Variants in TGM3 observed in about 807,000 individuals in gnomAD.
TGM3 encodes the protein protein-glutamine gamma-glutamyltransferase E.
Under a neutral mutation model 73.8 loss-of-function variants are expected in TGM3, and 52 were observed. That is an observed-to-expected ratio of 0.70 (90% CI 0.56 to 0.89). TGM3 has a LOEUF of 0.89. TGM3 is among the 40% of genes least tolerant of loss of function. The pLI, the probability that TGM3 is intolerant of heterozygous loss-of-function variation, is 0.00. For synonymous variants in TGM3, 372 were observed against 354.9 expected (o/e 1.05, Z -0.54); for missense variants, 928 against 909.9 (o/e 1.02, Z -0.26).
At chr20:2,340,033 C>CGGGGGGGGGAGGGGGG in intron 12 of TGM3, 46 bp downstream of exon 12, 2 of 196,584 alleles carry the variant, frequency 1.0e-5, no homozygotes, top group South Asian at 4.4e-5. Flanking sequence ...CGGGAGGGGG[C>CGGGGGGGGGAGGGGGG]GGGGGGGCCC....
intron 1 of TGM3, among the ~76,000 whole-genome samples, chr20:2,306,174 T>A (rs559852744): frequency 6.6e-6 from 1 of 152,306 alleles, no homozygotes; most frequent in African/African-American, 2.4e-5. Context: ...TGTGGGCCTG[T>A]TGGGAGAGGC....
Position 2,332,496 on chromosome 20 carries a change from A to T in TGM3, c.1642+186A>T, listed in dbSNP as rs1264350217. ...CTCTATGAACAGAGTGATGCCAACC[A>T]AATGTCAGGGTGGTGCCAACCAAAA... On this transcript the variant is annotated intron_variant, in intron 10 of 12. Coordinates refer to ENST00000381458, the MANE Select transcript of TGM3 (RefSeq NM_003245.4). This position sits in a 1 kb window ranked among gnomAD's most constrained non-coding sequence, Gnocchi z 4.4. Among the ~76,000 whole-genome samples the T allele has an allele frequency of 6.6e-6, 1 of 152,160 alleles. No homozygotes were observed. Among genetic ancestry groups the T allele is most frequent in the Non-Finnish European group, 1.5e-5 (1 of 68,024 alleles).
chr20:2,302,570 G>A lies in TGM3; in HGVS notation c.7+6500G>A, dbSNP rs6113629. Among the ~76,000 whole-genome samples, 1,342 of 152,202 alleles carry A rather than the reference G, an allele frequency of 8.8e-3. 16 individuals carry two copies. The highest frequency in any genetic ancestry group is 0.029 in the African/African-American group (1,218 of 41,516). On this transcript the variant is annotated intron_variant, in intron 1 of 12. Coordinates refer to ENST00000381458, the MANE Select transcript of TGM3 (RefSeq NM_003245.4). ...TCTGTCCAGTCTCCTCTCCACCATC[G>A]CTAGGGTACGTATGGCCCTGCATGG...
intron 7 of TGM3, among the ~76,000 whole-genome samples, chr20:2,323,132 C>T (rs1003518946): frequency 6.6e-6 from 1 of 151,924 alleles, no homozygotes; most frequent in African/African-American, 2.4e-5. Flanking sequence ...TCTTTAGTGG[C>T]AATTTGTGAG....
intron 1 of TGM3, among the ~76,000 whole-genome samples, chr20:2,306,370 T>G (rs1312787353): frequency 1.3e-5 from 2 of 152,196 alleles, no homozygotes; most frequent in East Asian, 3.8e-4. Context: ...AAGGCTCAAG[T>G]GCTCTGAAAC....
In TGM3 at chr20:2,340,760, G is replaced by C. The variant is rs982932897; in HGVS notation, c.*179G>C. On this transcript the variant is annotated 3_prime_UTR_variant, in exon 13 of 13. Coordinates refer to ENST00000381458, the MANE Select transcript of TGM3 (RefSeq NM_003245.4). ...CTCTCCTCTCCCCCAGGTTGGGGCTGGGTCCACCCTGTCCTATGACTTGAT... is the reference window on the plus strand; with the variant it reads ...CTCTCCTCTCCCCCAGGTTGGGGCTCGGTCCACCCTGTCCTATGACTTGAT... The C allele has an allele frequency of 6.4e-5, 52 of 812,586 alleles. No individual in the cohort carries two copies. Among genetic ancestry groups the C allele is most frequent in the Non-Finnish European group, 1.0e-4 (49 of 488,666 alleles). The allele number at this position is 812,586 out of a possible 1,614,324, so 50.3% of individuals were successfully genotyped here.
intron 7 of TGM3, 75 bp downstream of exon 7, chr20:2,317,560 A>G: frequency 6.3e-7 from 1 of 1,591,278 alleles, no homozygotes; most frequent in South Asian, 1.1e-5. Context: ...TCCTTCTGGG[A>G]CCCAGGTCCA....
intron 11 of TGM3, among the ~76,000 whole-genome samples, chr20:2,338,786 C>G (rs2084364596): frequency 6.6e-6 from 1 of 152,198 alleles, no homozygotes; most frequent in South Asian, 2.1e-4. Context: ...CATAAAATGT[C>G]CATTTCTATG....
At chr20:2,318,839 G>T (rs1045219748) in intron 7 of TGM3, among the ~76,000 whole-genome samples, 1 of 152,068 alleles carries the variant, frequency 6.6e-6, no homozygotes, top group Non-Finnish European at 1.5e-5. Context: ...AAAATGAAAC[G>T]AAAATAGATA....
chr20:2,308,592 C>T (rs1166047664), intron 1 of TGM3, among the ~76,000 whole-genome samples: 1 of 152,206 alleles, frequency 6.6e-6, no homozygotes, highest in Non-Finnish European at 1.5e-5. Flanking sequence ...TGACCTGCTC[C>T]TATAAATAGC....
rs563151641 is a variant in TGM3 at position 2,332,562 on chromosome 20, A to G, written c.1642+252A>G. 2.0e-5 allele frequency among the ~76,000 whole-genome samples: 3 copies of G among 152,340 alleles called. No individual in the cohort carries two copies. The highest frequency in any genetic ancestry group is 3.9e-4 in the East Asian group (2 of 5,180). On this transcript the variant is annotated intron_variant, in intron 10 of 12. Transcript: ENST00000381458. The surrounding 1 kb of genome is among the most constrained non-coding windows in gnomAD (Gnocchi z 4.4). ...AGGGAGGAAGGAGGGAGGCTTTGGC[A>G]GTTCATAGCTATGGCACAATATCCC...
Position 2,297,875 on chromosome 20 carries a change from T to C in TGM3, c.7+1805T>C, listed in dbSNP as rs190181430. On this transcript the variant is annotated intron_variant, in intron 1 of 12. Coordinates refer to ENST00000381458, the MANE Select transcript of TGM3 (RefSeq NM_003245.4). ...GTTCTGTCCTCGGTAGCTTTTAGTC[T>C]GATATTTTTTGGTACCACCGGTTTT... 4.9e-3 allele frequency among the ~76,000 whole-genome samples: 752 copies of C among 152,324 alleles called. 1 individual carries two copies. The highest frequency in any genetic ancestry group is 8.6e-3 in the Non-Finnish European group (586 of 68,036).
In TGM3 at chr20:2,316,694, A is replaced by C. The variant is rs534325634; in HGVS notation, c.670-374A>C. 1.4e-4 allele frequency among the ~76,000 whole-genome samples: 21 copies of C among 152,366 alleles called. No individual in the cohort carries two copies. The East Asian group carries it at 4.0e-3, about 29-fold the overall frequency. On this transcript the variant is annotated intron_variant, in intron 5 of 12. Coordinates refer to ENST00000381458, the MANE Select transcript of TGM3 (RefSeq NM_003245.4). Reference sequence around the variant, plus strand: ...CATGGACTCCCAGGCAGACTGTGACAGCAGTGATAGCCTGTGGATTCTTAC... The same window carrying C: ...CATGGACTCCCAGGCAGACTGTGACCGCAGTGATAGCCTGTGGATTCTTAC...
At position 2,317,416 on chromosome 20, in the gene TGM3, G is replaced by T; in HGVS notation, c.914G>T (p.Arg305Leu). 6.2e-7 allele frequency: 1 copy of T among 1,614,216 alleles called. No homozygotes were observed. The highest frequency in any genetic ancestry group is 8.5e-7 in the Non-Finnish European group (1 of 1,180,032). Residue 305 changes from arginine (R) to leucine (L), a missense_variant, in exon 7 of 13, where the codon CGA (arginine) becomes CTA (leucine). Arg to Leu is a moderately radical substitution (Grantham distance 102, BLOSUM62 -2). Coordinates refer to ENST00000381458, the MANE Select transcript of TGM3 (RefSeq NM_003245.4). ...TTCAACTCAGCTCATGACACAGACCGAAATCTCAGTGTGGATGTGTACTAC... is the reference window on the plus strand; with the variant it reads ...TTCAACTCAGCTCATGACACAGACCTAAATCTCAGTGTGGATGTGTACTAC... ...TNFNSAHDTD[R>L]NLSVDVYYDP...
chr20:2,333,116 AG>A, intron 10 of TGM3, among the ~76,000 whole-genome samples: 1 of 152,232 alleles, frequency 6.6e-6, no homozygotes, highest in Non-Finnish European at 1.5e-5. Flanking sequence ...TGTCATGAAA[AG>A]TTTGGACTTA....
chr20:2,314,885 C>A (rs1377694604), intron 5 of TGM3, among the ~76,000 whole-genome samples: 1 of 152,126 alleles, frequency 6.6e-6, no homozygotes, highest in African/African-American at 2.4e-5. Context: ...TGCTAATGAG[C>A]TAGTTACTTG....
intron 1 of TGM3, among the ~76,000 whole-genome samples, chr20:2,305,576 A>G (rs2084172629): frequency 6.6e-6 from 1 of 152,210 alleles, no homozygotes; most frequent in South Asian, 2.1e-4. Context: ...AGCAGTTGGC[A>G]TAAAGAAGGC....
In TGM3 at chr20:2,335,237, G is replaced by C. The variant is rs1352322204; in HGVS notation, c.1764G>C (p.Arg588=). Residue 588 remains arginine (R), a synonymous_variant, in exon 11 of 13, where the codon CGG becomes CGC. Coordinates refer to ENST00000381458, the MANE Select transcript of TGM3 (RefSeq NM_003245.4). ...VPDESEVVVE[R]DIILDNPTLT... ...ATGAGTCTGAGGTGGTGGTGGAGCG[G>C]GACATCATCCTGGACAACCCCACCT... 1 of 1,614,196 alleles carries C rather than the reference G, an allele frequency of 6.2e-7. No individual in the cohort carries two copies. Among genetic ancestry groups the C allele is most frequent in the Admixed American group, 1.7e-5 (1 of 60,028 alleles).
At chr20:2,312,267 GCA>G (rs2084208328) in intron 4 of TGM3, among the ~76,000 whole-genome samples, 1 of 152,028 alleles carries the variant, frequency 6.6e-6, no homozygotes, top group Admixed American at 6.6e-5. Context: ...AGGTGTGGTG[GCA>G]CGGGCCTGTA....
Sources: gnomAD v4.1 joint callset for allele counts (sites outside exome capture counted in the v4.1 genomes callset) on GRCh38, gnomAD v4.1.1 for gene constraint, Gnocchi (gnomAD v3.1) non-coding constraint, MANE v1.5 for transcripts, NCBI Gene and HGNC (gene_info 2026-07-23, HGNC 2026-07-21) for gene names.